The following TCAIM variants were observed in gnomAD, a reference collection of about 807,000 sequenced individuals.
The protein encoded by TCAIM is T-cell activation inhibitor, mitochondrial.
A neutral mutation model predicts 58.6 loss-of-function variants in TCAIM; 36 were observed. The ratio of observed to expected loss-of-function variants is 0.61; its 90% CI spans 0.47 to 0.81. TCAIM has a LOEUF of 0.81. Ranked by LOEUF, TCAIM falls within the 30% of genes least tolerant of loss-of-function variation. TCAIM has a pLI of 0.00. For synonymous variants in TCAIM, 172 were observed against 193.6 expected (o/e 0.89, Z 0.93); for missense variants, 466 against 579.6 (o/e 0.80, Z 2.01).
At chr3:44,400,766 A>C in intron 9 of TCAIM, 179 bp downstream of exon 9, 1 of 618,400 alleles carries the variant, frequency 1.6e-6, no homozygotes, top group Non-Finnish European at 2.8e-6. Flanking sequence ...GGGAGGATTG[A>C]AGGATTTAAT....
At chr3:44,406,711 G>C (rs1056482386) in intron 10 of TCAIM, among the ~76,000 whole-genome samples, 2 of 152,178 alleles carry the variant, frequency 1.3e-5, no homozygotes, top group African/African-American at 4.8e-5. Flanking sequence ...TCAGGGACAC[G>C]ACCATGGCAG....
intron 1 of TCAIM, among the ~76,000 whole-genome samples, chr3:44,350,839 A>T (rs1359631690): frequency 6.6e-6 from 1 of 152,140 alleles, no homozygotes; most frequent in Non-Finnish European, 1.5e-5. Context: ...TACAGATTGC[A>T]TATTTTTCTA....
intron 3 of TCAIM, among the ~76,000 whole-genome samples, chr3:44,360,827 A>G (rs192396374): frequency 2.0e-5 from 3 of 152,248 alleles, no homozygotes; most frequent in East Asian, 3.9e-4. Flanking sequence ...GCTGTTCTCA[A>G]ACTCCTGAGT....
chr3:44,406,487 TAA>T (rs1328957763), intron 10 of TCAIM, among the ~76,000 whole-genome samples: 1 of 71,754 alleles, frequency 1.4e-5, no homozygotes, highest in South Asian at 1.1e-3. Context: ...CAGCATATTC[TAA>T]GTAAGAATAA....
intron 8 of TCAIM, among the ~76,000 whole-genome samples, chr3:44,399,194 T>C (rs1266522991): frequency 1.3e-5 from 2 of 152,228 alleles, no homozygotes; most frequent in East Asian, 3.8e-4. Flanking sequence ...TAATGAATTG[T>C]ATCAATGTCA....
intron 5 of TCAIM, among the ~76,000 whole-genome samples, chr3:44,382,698 A>G (rs78444011): frequency 1.2e-3 from 180 of 152,366 alleles, no homozygotes; most frequent in African/African-American, 4.0e-3. Flanking sequence ...TTTCGTGGAT[A>G]TAACACCTAA....
intron 3 of TCAIM, chr3:44,358,998 G>A (rs1701251145): frequency 2.0e-6 from 2 of 984,190 alleles, no homozygotes; most frequent in Non-Finnish European, 2.4e-6. Flanking sequence ...TTAACTCGGG[G>A]ATGCATTAAT....
intron 4 of TCAIM, among the ~76,000 whole-genome samples, chr3:44,362,213 A>ATTTTT (rs965410646): frequency 6.6e-6 from 1 of 151,676 alleles, no homozygotes; most frequent in Admixed American, 6.6e-5. Context: ...ATACACTGTA[A>ATTTTT]TTTTTTTTTG....
chr3:44,350,384 A>G (rs969592325), intron 1 of TCAIM, among the ~76,000 whole-genome samples: 1 of 151,696 alleles, frequency 6.6e-6, no homozygotes, highest in East Asian at 1.9e-4. Context: ...TTGGGCTCAG[A>G]GGCCTGACAA....
At chr3:44,378,127 T>A (rs1701595328) in intron 5 of TCAIM, among the ~76,000 whole-genome samples, 1 of 152,158 alleles carries the variant, frequency 6.6e-6, no homozygotes, top group South Asian at 2.1e-4. Context: ...ACACCTGTAA[T>A]CCCAGCACTT....
intron 5 of TCAIM, among the ~76,000 whole-genome samples, chr3:44,372,151 C>T (rs1701488130): frequency 6.6e-6 from 1 of 152,076 alleles, no homozygotes; most frequent in South Asian, 2.1e-4. Context: ...TTGGCGGGGC[C>T]AACTGCGGGA....
intron 8 of TCAIM, 47 bp from the exon 9 acceptor site, chr3:44,400,308 A>G (rs770061506): frequency 2.2e-6 from 3 of 1,375,828 alleles, no homozygotes; most frequent in South Asian, 1.3e-5. Flanking sequence ...TTAAATTATT[A>G]TAGTAACATA....
intron 5 of TCAIM, among the ~76,000 whole-genome samples, chr3:44,369,569 C>T (rs1399108468): frequency 6.6e-6 from 1 of 152,180 alleles, no homozygotes; most frequent in African/African-American, 2.4e-5. Context: ...AGTGAAAATA[C>T]ATTGAAACTA....
At chr3:44,373,444 T>C (rs1409555381) in intron 5 of TCAIM, among the ~76,000 whole-genome samples, 1 of 151,522 alleles carries the variant, frequency 6.6e-6, no homozygotes, top group African/African-American at 2.4e-5. Flanking sequence ...GGTGGGCAGA[T>C]CACTTGATGT....
intron 5 of TCAIM, among the ~76,000 whole-genome samples, chr3:44,378,935 G>A (rs1427300749): frequency 6.6e-6 from 1 of 152,070 alleles, no homozygotes; most frequent in Non-Finnish European, 1.5e-5. Context: ...AAAGTGGGGA[G>A]ATTGCTTGAA....
chr3:44,372,958 A>G (rs1194057201), intron 5 of TCAIM, among the ~76,000 whole-genome samples: 2 of 152,182 alleles, frequency 1.3e-5, no homozygotes, highest in Non-Finnish European at 2.9e-5. Flanking sequence ...TCTGAGCACT[A>G]TGTTAAACGA....
At chr3:44,404,808 A>ATT (rs113556572) in intron 10 of TCAIM, among the ~76,000 whole-genome samples, 9 of 139,100 alleles carry the variant, frequency 6.5e-5, no homozygotes, top group African/African-American at 2.3e-4. Context: ...AGTTTTTGCC[A>ATT]TTTTTTTATG....
At chr3:44,384,846 A>T (rs530251403) in intron 5 of TCAIM, among the ~76,000 whole-genome samples, 59 of 152,314 alleles carry the variant, frequency 3.9e-4, no homozygotes, top group African/African-American at 1.3e-3. Flanking sequence ...TCCCCTTAAT[A>T]GCTCATGCAT....
At chr3:44,357,640 C>A in intron 2 of TCAIM, 101 bp from the exon 3 acceptor site, 1 of 1,420,298 alleles carries the variant, frequency 7.0e-7, no homozygotes, top group Non-Finnish European at 9.4e-7. Context: ...TATCTTGTTT[C>A]TGCTGTGCAT....
Sources: allele counts gnomAD v4.1 joint callset (sites outside exome capture counted in the v4.1 genomes callset), GRCh38; gene constraint gnomAD v4.1.1; transcripts MANE v1.5; gene names NCBI Gene and HGNC (gene_info 2026-07-23, HGNC 2026-07-21).